DEK: variants seen among roughly 807,000 people sequenced by gnomAD.
The protein encoded by DEK is DEK proto-oncogene, also known as protein DEK.
In DEK, 28 loss-of-function variants were observed where a neutral mutation model predicts 46.8. That is an observed-to-expected ratio of 0.60 (90% CI 0.44 to 0.82). DEK has a LOEUF of 0.82. Ranked by LOEUF, DEK falls within the 40% of genes least tolerant of loss-of-function variation. DEK has a pLI of 0.00. For missense variants in DEK, 416 were observed against 430.6 expected (o/e 0.97, Z 0.30); for synonymous variants, 160 against 144.5 (o/e 1.11, Z -0.77).
At position 18,256,990 on chromosome 6, in the gene DEK, A is replaced by C. The variant is rs569094086; in HGVS notation, c.358-535T>G. ...TCACTGAAAATAAATTATGTCATGCACCAGACATTCTATTCTACTTCAGAC... is the reference window on the plus strand; with the variant it reads ...TCACTGAAAATAAATTATGTCATGCCCCAGACATTCTATTCTACTTCAGAC... On this transcript the variant is annotated intron_variant, in intron 4 of 10. Transcript: ENST00000652689. Among the ~76,000 whole-genome samples, 5 of 152,318 alleles carry C rather than the reference A, an allele frequency of 3.3e-5. No homozygotes were observed. In the South Asian group the frequency reaches 1.0e-3, roughly 32 times the overall value.
chr6:18,263,194 A>G (rs1791953121), intron 2 of DEK, among the ~76,000 whole-genome samples: 1 of 152,174 alleles, frequency 6.6e-6, no homozygotes, highest in Non-Finnish European at 1.5e-5. Flanking sequence ...CAGGGCTCAT[A>G]TCGCCCTCCC....
At chr6:18,238,683 C>CA (rs201851628) in intron 7 of DEK, among the ~76,000 whole-genome samples, 5,200 of 91,626 alleles carry the variant, frequency 0.057, 112 homozygotes, top group Middle Eastern at 0.12. Flanking sequence ...GAGACTGTCT[C>CA]AAAAAAAAAA....
At chr6:18,250,500 T>A (rs1342375438) in intron 6 of DEK, among the ~76,000 whole-genome samples, 2 of 148,724 alleles carry the variant, frequency 1.3e-5, no homozygotes, top group Non-Finnish European at 3.0e-5. Context: ...AACAAAAAAC[T>A]GTCACTGCCA....
intron 4 of DEK, among the ~76,000 whole-genome samples, chr6:18,257,076 A>G (rs545693160): frequency 2.6e-5 from 4 of 152,206 alleles, no homozygotes; most frequent in Non-Finnish European, 5.9e-5. Flanking sequence ...TCGATTATAT[A>G]ATATACTAAG....
In DEK at chr6:18,225,504, C is replaced by A; in HGVS notation, c.*215G>T. 2.1e-6 allele frequency: 1 copy of A among 474,106 alleles called. No individual in the cohort carries two copies. Among genetic ancestry groups the A allele is most frequent in the Non-Finnish European group, 3.7e-6 (1 of 268,282 alleles). 29.4% of individuals were successfully genotyped at this position (474,106 alleles called of 1,614,324 possible). A position where few individuals can be genotyped will look rare whatever the true frequency, so the allele number is the denominator to read the frequency against. ...CTATAAAAGCAAGGAACAATTAATG[C>A]CATGCAAGATTTTAAACTAAAAATG... On this transcript the variant is annotated 3_prime_UTR_variant, in exon 11 of 11. Transcript: ENST00000652689.
chr6:18,255,067 T>C (rs551808354), intron 6 of DEK, among the ~76,000 whole-genome samples: 1 of 152,252 alleles, frequency 6.6e-6, no homozygotes, highest in South Asian at 2.1e-4. Flanking sequence ...ATAAAAACAT[T>C]TGCTGACAGA....
rs1374520437 is a variant in DEK at position 18,224,537 on chromosome 6, T to TC, written c.*1181dup. On this transcript the variant is annotated 3_prime_UTR_variant, in exon 11 of 11. Coordinates refer to ENST00000652689, the MANE Select transcript of DEK (RefSeq NM_003472.4). ...CAGGAGTGGTCCATTATGTTGATCATCTAGAATCAACACTGATTAACCAAA... is the reference window on the plus strand; with the variant it reads ...CAGGAGTGGTCCATTATGTTGATCATCCTAGAATCAACACTGATTAACCAAA... 5.0e-6 allele frequency: 1 copy of TC among 201,406 alleles called. No individual in the cohort carries two copies. The highest frequency in any genetic ancestry group is 1.0e-5 in the Non-Finnish European group (1 of 97,926). 12.5% of individuals were successfully genotyped at this position (201,406 alleles called of 1,614,324 possible). A position where few individuals can be genotyped will look rare whatever the true frequency, so the allele number is the denominator to read the frequency against.
intron 7 of DEK, among the ~76,000 whole-genome samples, chr6:18,239,634 G>A (rs1223104036): frequency 2.6e-5 from 4 of 152,092 alleles, no homozygotes; most frequent in African/African-American, 7.2e-5. Context: ...GGGCTGACAT[G>A]CTTCTAAAAG....
intron 7 of DEK, among the ~76,000 whole-genome samples, chr6:18,244,123 G>A (rs1021481028): frequency 1.3e-5 from 2 of 152,136 alleles, no homozygotes; most frequent in South Asian, 2.1e-4. Context: ...CCTAAGTGGA[G>A]ACAAGACTGA....
In DEK at chr6:18,225,677, C is replaced by T. The variant is rs769355298; in HGVS notation, c.*42G>A. On this transcript the variant is annotated 3_prime_UTR_variant, in exon 11 of 11. Transcript: ENST00000652689. ...GCTGGTATAATGGTATAAATCAGAT[C>T]TTCAAATCTATGGGAACGAGTCATC... 3.2e-5 allele frequency: 51 copies of T among 1,605,522 alleles called. No homozygotes were observed. Among genetic ancestry groups the T allele is most frequent in the Non-Finnish European group, 3.4e-6 (4 of 1,174,634 alleles).
At chr6:18,256,850 G>A (rs903110908) in intron 4 of DEK, among the ~76,000 whole-genome samples, 1 of 152,112 alleles carries the variant, frequency 6.6e-6, no homozygotes, top group Non-Finnish European at 1.5e-5. Context: ...AATCAAGAAG[G>A]ACTTTATTCT....
At chr6:18,237,584 C>G (rs1199422367) in intron 7 of DEK, 68 bp from the exon 8 acceptor site, 9 of 1,515,080 alleles carry the variant, frequency 5.9e-6, no homozygotes, top group Middle Eastern at 1.8e-4. Flanking sequence ...CATCCCTCTA[C>G]TTCCCCTATG....
At chr6:18,229,195 TA>T (rs758335024) in intron 9 of DEK, among the ~76,000 whole-genome samples, 1 of 152,060 alleles carries the variant, frequency 6.6e-6, no homozygotes, top group Non-Finnish European at 1.5e-5. Flanking sequence ...GAAGGAAAAC[TA>T]ACAAAAAGAA....
At position 18,230,023 on chromosome 6, in the gene DEK, G is replaced by A. The variant is rs545573537; in HGVS notation, c.1048-3781C>T. On this transcript the variant is annotated intron_variant, in intron 9 of 10. Coordinates refer to ENST00000652689, the MANE Select transcript of DEK (RefSeq NM_003472.4). ...AAGGGAAGCCCATCAAACTAACAGC[G>A]GATCTCTAGGCAGAAACTCTACAAG... is the stretch of plus-strand genomic sequence containing the variant. 2.2e-4 allele frequency among the ~76,000 whole-genome samples: 34 copies of A among 152,298 alleles called. No homozygotes were observed. The South Asian group carries it at 3.1e-3, about 14-fold the overall frequency.
intron 7 of DEK, among the ~76,000 whole-genome samples, chr6:18,245,534 C>T (rs891149411): frequency 1.1e-4 from 16 of 152,012 alleles, no homozygotes; most frequent in African/African-American, 3.4e-4. Flanking sequence ...TACGTATGCG[C>T]TATAAAAACA....
At chr6:18,228,163 A>G (rs1046162665) in intron 9 of DEK, among the ~76,000 whole-genome samples, 9 of 152,210 alleles carry the variant, frequency 5.9e-5, no homozygotes, top group Non-Finnish European at 1.2e-4. Flanking sequence ...AATAGTTTCA[A>G]TTTTGCCAGT....
intron 8 of DEK, 93 bp downstream of exon 8, chr6:18,237,288 T>C (rs1246870141): frequency 1.4e-6 from 2 of 1,404,938 alleles, no homozygotes; most frequent in Non-Finnish European, 1.9e-6. Flanking sequence ...CTCTGCAGTT[T>C]ACCTGTTTCT....
At chr6:18,254,622 T>A (rs1465267087) in intron 6 of DEK, among the ~76,000 whole-genome samples, 2 of 152,074 alleles carry the variant, frequency 1.3e-5, no homozygotes, top group Admixed American at 1.3e-4. Flanking sequence ...GGCAACAGTA[T>A]CCTGAAACCA....
intron 6 of DEK, among the ~76,000 whole-genome samples, chr6:18,253,997 C>G (rs544289477): frequency 1.5e-4 from 23 of 152,128 alleles, no homozygotes; most frequent in Middle Eastern, 6.3e-3. Flanking sequence ...GCTACTGCAT[C>G]AGGCCCTTCA....
Sources: allele counts gnomAD v4.1 joint callset (sites outside exome capture counted in the v4.1 genomes callset), GRCh38; gene constraint gnomAD v4.1.1; transcripts MANE v1.5; gene names NCBI Gene and HGNC (gene_info 2026-07-23, HGNC 2026-07-21).